The following TRIM49C variants were observed in gnomAD, a reference collection of about 807,000 sequenced individuals.
TRIM49C encodes tripartite motif containing 49C.
TRIM49C carries 6 observed loss-of-function variants against 21.4 expected under a neutral mutation model. That is an observed-to-expected ratio of 0.28 (90% CI 0.15 to 0.55). The LOEUF (loss-of-function observed/expected upper bound fraction) is 0.55, where lower values mean the gene tolerates loss of function less well. Ranked by LOEUF, TRIM49C falls within the 20% of genes least tolerant of loss-of-function variation. TRIM49C has a pLI of 0.94. For missense variants in TRIM49C, 161 were observed against 442.4 expected, an observed-to-expected ratio of 0.36 and a Z score of 5.71; for synonymous variants, 57 against 148.1, an observed-to-expected ratio of 0.38 and a Z score of 4.47.
At chr11:90,071,778 C>T in the TRIM49C span, 36 of 1,135,556 alleles carry the variant, frequency 3.2e-5, 5 homozygotes, top group Admixed American at 4.1e-4. Context: ...GGTGGACAGG[C>T]TCAACCACTT....
the TRIM49C span, among the ~76,000 whole-genome samples, chr11:90,049,340 T>C: frequency 1.2e-5 from 1 of 80,548 alleles, no homozygotes; most frequent in Non-Finnish European, 2.3e-5. Flanking sequence ...TGTTCAGCTA[T>C]GCCCTGCCCC....
downstream of TRIM49C, among the ~76,000 whole-genome samples, chr11:90,045,436 TC>T (rs1378490442): frequency 6.5e-5 from 4 of 61,758 alleles, no homozygotes; most frequent in African/African-American, 2.7e-4. Flanking sequence ...TTTGTTTGTA[TC>T]CTCTTTTATT....
Position 90,033,753 on chromosome 11 carries a change from G to T in TRIM49C, c.-5+1171G>T, listed in dbSNP as rs1213111833. On this transcript the variant is annotated intron_variant, in intron 2 of 7. Coordinates refer to ENST00000448984, the MANE Select transcript of TRIM49C (RefSeq NM_001195234.1). ...GAGGCCAGAAGTTCAAGTGCAGCCT[G>T]GCCAAGATGGCAAAACCCCATCTCT... 7.6e-5 allele frequency among the ~76,000 whole-genome samples: 10 copies of T among 131,868 alleles called. 3 individuals carry two copies. Among genetic ancestry groups the T allele is most frequent in the African/African-American group, 2.7e-4 (10 of 36,650 alleles). 86.5% of individuals were successfully genotyped at this position (131,868 alleles called of 152,430 possible).
chr11:90,054,088 A>C, the TRIM49C span, among the ~76,000 whole-genome samples: 2 of 136,976 alleles, frequency 1.5e-5, no homozygotes, highest in Non-Finnish European at 3.2e-5. Context: ...CACATAATAA[A>C]GTCTAATTAA....
intron 1 of TRIM49C, among the ~76,000 whole-genome samples, chr11:90,032,109 C>G (rs1950692251): frequency 7.4e-6 from 1 of 134,440 alleles, no homozygotes; most frequent in Non-Finnish European, 1.6e-5. Flanking sequence ...GAAGGAGACC[C>G]TTTCTCTAGA....
Position 90,041,300 on chromosome 11 carries a change from A to T in TRIM49C, c.1109A>T (p.Lys370Met). Residue 370 changes from lysine (K) to methionine (M), a missense_variant, in exon 8 of 8, where the codon AAG becomes ATG. Lys to Met is a moderately conservative substitution (Grantham distance 95). Around this residue, in one of 3 missense-constraint regions of TRIM49C, gnomAD observed 63 missense variants for 67.6 expected, o/e 0.93. Transcript: ENST00000448984. ...CGGAAGGAGAAGAATCAGAATGAGA[A>T]GATAGATGGAAAGGAGGGACTCTTT... Reference protein sequence around the residue: ...MYRKEKNQNEKIDGKEGLFLL... With the variant: ...MYRKEKNQNEMIDGKEGLFLL... 1 of 1,589,864 alleles carries T rather than the reference A, an allele frequency of 6.3e-7. No homozygotes were observed. The highest frequency in any genetic ancestry group is 8.6e-7 in the Non-Finnish European group (1 of 1,164,938).
the TRIM49C span, among the ~76,000 whole-genome samples, chr11:90,067,573 A>AAC: frequency 7.0e-6 from 1 of 143,184 alleles, no homozygotes; most frequent in African/African-American, 2.6e-5. Context: ...TTGACCCTTG[A>AAC]ACACCATGGT....
At chr11:90,070,899 T>C in the TRIM49C span, among the ~76,000 whole-genome samples, 1 of 140,810 alleles carries the variant, frequency 7.1e-6, no homozygotes, top group Non-Finnish European at 1.5e-5. Context: ...GTTCAAGCTA[T>C]TCTCCTGCCT....
downstream of TRIM49C, among the ~76,000 whole-genome samples, chr11:90,043,669 A>G (rs1780577495): frequency 8.3e-6 from 1 of 121,202 alleles, no homozygotes; most frequent in Non-Finnish European, 1.7e-5. Context: ...GAATAGTCTC[A>G]TGTCTAGAGG....
chr11:90,065,984 A>G, the TRIM49C span, among the ~76,000 whole-genome samples: 1 of 138,550 alleles, frequency 7.2e-6, no homozygotes, highest in Non-Finnish European at 1.6e-5. Flanking sequence ...AAATATTTTA[A>G]ATACAACAAT....
At chr11:90,069,118 TTTTTGA>T in the TRIM49C span, among the ~76,000 whole-genome samples, 2 of 123,228 alleles carry the variant, frequency 1.6e-5, 1 homozygote, top group Admixed American at 2.0e-4. Flanking sequence ...TTTGTTTTTG[TTTTTGA>T]GACAGAGTCT....
intron 1 of TRIM49C, among the ~76,000 whole-genome samples, chr11:90,031,948 T>C (rs555606312): frequency 7.4e-6 from 1 of 134,704 alleles, no homozygotes; most frequent in African/African-American, 2.7e-5. Flanking sequence ...GGCTACAGAG[T>C]CATACACTGA....
chr11:90,072,328 A>G, the TRIM49C span, among the ~76,000 whole-genome samples: 1 of 148,874 alleles, frequency 6.7e-6, no homozygotes, highest in East Asian at 1.9e-4. Context: ...GGCCTTAGAT[A>G]GAACTCCAGG....
the TRIM49C span, among the ~76,000 whole-genome samples, chr11:90,071,351 G>C: frequency 1.4e-5 from 2 of 141,298 alleles, no homozygotes; most frequent in African/African-American, 2.5e-5. Flanking sequence ...CCTCTTATCA[G>C]ACATTAAACT....
the TRIM49C span, among the ~76,000 whole-genome samples, chr11:90,066,041 G>A: frequency 7.3e-6 from 1 of 137,378 alleles, no homozygotes; most frequent in African/African-American, 2.6e-5. Context: ...TTTCTTTTGA[G>A]ACGGTATCTT....
the TRIM49C span, chr11:90,072,815 T>C: frequency 6.3e-6 from 2 of 316,940 alleles, no homozygotes; most frequent in Non-Finnish European, 1.1e-5. Flanking sequence ...TACTTTGTAA[T>C]CTTGACCTGT....
At chr11:90,062,240 A>G in the TRIM49C span, among the ~76,000 whole-genome samples, 2 of 136,056 alleles carry the variant, frequency 1.5e-5, no homozygotes, top group Non-Finnish European at 3.1e-5. Context: ...GAAACATAAT[A>G]GAGAGTTTTA....
chr11:90,047,950 G>T, the TRIM49C span, among the ~76,000 whole-genome samples: 2 of 120,566 alleles, frequency 1.7e-5, no homozygotes, highest in Admixed American at 9.4e-5. Context: ...AGGAGCTCTT[G>T]TAGGGCAGGC....
the TRIM49C span, among the ~76,000 whole-genome samples, chr11:90,065,725 C>T: frequency 6.4e-5 from 9 of 140,184 alleles, 2 homozygotes; most frequent in Admixed American, 4.1e-4. Context: ...GGGAGGCCCA[C>T]GAGGGTGGAT....
Sources: gnomAD v4.1 joint callset for allele counts (sites outside exome capture counted in the v4.1 genomes callset) on GRCh38, gnomAD v4.1.1 for gene constraint, gnomAD v4.1.1 regional missense constraint, MANE v1.5 for transcripts, NCBI Gene and HGNC (gene_info 2026-07-23, HGNC 2026-07-21) for gene names.